SPACA1: variants seen among roughly 807,000 people sequenced by gnomAD.
SPACA1 encodes sperm acrosome membrane-associated protein 1.
In SPACA1, 17 loss-of-function variants were observed where a neutral mutation model predicts 32.6. The observed-to-expected ratio is 0.52, with a 90% CI of 0.36 to 0.78. The LOEUF (loss-of-function observed/expected upper bound fraction) is 0.78, where lower values mean the gene tolerates loss of function less well. SPACA1 is among the 30% of genes least tolerant of loss of function. SPACA1 has a pLI of 0.01. For missense variants in SPACA1, 363 were observed against 373.4 expected (o/e 0.97, Z 0.23); for synonymous variants, 140 against 138.1 (o/e 1.01, Z -0.10).
At chr6:88,050,593 G>C (rs1445803919) in intron 1 of SPACA1, among the ~76,000 whole-genome samples, 1 of 152,184 alleles carries the variant, frequency 6.6e-6, no homozygotes, top group Non-Finnish European at 1.5e-5. Flanking sequence ...AGACTACAAG[G>C]AGGATACCTC....
intron 5 of SPACA1, among the ~76,000 whole-genome samples, chr6:88,062,574 A>G (rs1775913067): frequency 6.6e-6 from 1 of 152,152 alleles, no homozygotes; most frequent in Non-Finnish European, 1.5e-5. Flanking sequence ...ACTGTAATAC[A>G]TACGGTAGAT....
chr6:88,056,301 C>G (rs1775806342), intron 2 of SPACA1, among the ~76,000 whole-genome samples: 1 of 152,192 alleles, frequency 6.6e-6, no homozygotes, highest in Non-Finnish European at 1.5e-5. Context: ...TTGCAGTGAG[C>G]TGAGATCGCG....
intron 1 of SPACA1, among the ~76,000 whole-genome samples, chr6:88,051,804 G>A (rs1483583935): frequency 5.3e-5 from 8 of 152,166 alleles, no homozygotes; most frequent in Non-Finnish European, 1.0e-4. Flanking sequence ...AGATCCAGAT[G>A]TATCATCAAA....
intron 6 of SPACA1, among the ~76,000 whole-genome samples, chr6:88,065,728 A>C (rs919125868): frequency 6.6e-6 from 1 of 151,184 alleles, no homozygotes; most frequent in Non-Finnish European, 1.5e-5. Context: ...TATTTTTAAA[A>C]ATCAGCCTTC....
intron 2 of SPACA1, among the ~76,000 whole-genome samples, chr6:88,055,026 A>G (rs1417658818): frequency 6.6e-6 from 1 of 151,982 alleles, no homozygotes; most frequent in African/African-American, 2.4e-5. Flanking sequence ...CTATCTCTTA[A>G]AATTGTTTTA....
rs771231302 is a variant in SPACA1 at position 88,057,712 on chromosome 6, C to G, written c.366C>G (p.Gly122=). The change falls in exon 3 of 7, where the codon GGC becomes GGG. Residue 122 remains glycine (G), a splice_region_variant and synonymous_variant. Coordinates refer to ENST00000237201, the MANE Select transcript of SPACA1 (RefSeq NM_030960.3). ...AATGCCGTGGACCAACAGATTGTGG[C>G]TGTGAGTTGAATTATGTATTGGAGG... ...VEECRGPTDC[G]WGKPISESLE... is the part of the protein sequence containing the mutation. 2 of 1,613,068 alleles carry G rather than the reference C, an allele frequency of 1.2e-6. No homozygotes were observed. Among genetic ancestry groups the G allele is most frequent in the African/African-American group, 1.3e-5 (1 of 75,000 alleles).
At position 88,047,861 on chromosome 6, in the gene SPACA1, C is replaced by G. The variant is rs1200082262; in HGVS notation, c.-45C>G. ...TCTTCGACGTACCTGTCCTCAGGAG[C>G]CGCGGCGGCGACTGCGCCTCGGACG... is the stretch of plus-strand genomic sequence containing the variant. On this transcript the variant is annotated 5_prime_UTR_variant, in exon 1 of 7. Coordinates refer to ENST00000237201, the MANE Select transcript of SPACA1 (RefSeq NM_030960.3). 1.4e-6 allele frequency: 2 copies of G among 1,480,484 alleles called. No homozygotes were observed. The highest frequency in any genetic ancestry group is 2.8e-5 in the African/African-American group (2 of 71,232). The allele number at this position is 1,480,484 out of a possible 1,614,324, so 91.7% of individuals were successfully genotyped here. A position where few individuals can be genotyped will look rare whatever the true frequency, so the allele number is the denominator to read the frequency against.
At chr6:88,054,957 C>T (rs1214996582) in intron 2 of SPACA1, among the ~76,000 whole-genome samples, 2 of 152,088 alleles carry the variant, frequency 1.3e-5, no homozygotes, top group East Asian at 3.8e-4. Flanking sequence ...CTAAAATGCC[C>T]ATTAAACACT....
intron 1 of SPACA1, among the ~76,000 whole-genome samples, chr6:88,051,634 A>G (rs1396112889): frequency 6.6e-6 from 1 of 152,218 alleles, no homozygotes; most frequent in East Asian, 1.9e-4. Context: ...TATTGAATTC[A>G]CTATTGAACT....
intron 4 of SPACA1, 45 bp from the exon 5 acceptor site, chr6:88,059,408 A>G: frequency 3.3e-6 from 5 of 1,493,762 alleles, no homozygotes; most frequent in Non-Finnish European, 4.5e-6. Flanking sequence ...TGGTAAGTGT[A>G]CATGAAAAAT....
chr6:88,050,015 C>T (rs923911610), intron 1 of SPACA1, among the ~76,000 whole-genome samples: 12 of 152,228 alleles, frequency 7.9e-5, no homozygotes, highest in African/African-American at 2.6e-4. Flanking sequence ...ATATTTTCAT[C>T]TTTAGATTTA....
At chr6:88,058,384 C>T (rs1350357445) in intron 3 of SPACA1, among the ~76,000 whole-genome samples, 1 of 152,184 alleles carries the variant, frequency 6.6e-6, no homozygotes, top group East Asian at 1.9e-4. Flanking sequence ...CACCTGTAAT[C>T]TTAGCACTTT....
At chr6:88,060,033 T>C (rs757337803) in intron 5 of SPACA1, among the ~76,000 whole-genome samples, 2 of 152,172 alleles carry the variant, frequency 1.3e-5, no homozygotes, top group Non-Finnish European at 2.9e-5. Flanking sequence ...AATTAAGAAA[T>C]ACGATGTCAA....
intron 1 of SPACA1, among the ~76,000 whole-genome samples, chr6:88,051,401 G>A (rs806428): frequency 0.91 from 137,975 of 152,226 alleles, 62,766 homozygotes; most frequent in African/African-American, 0.97. Flanking sequence ...TAAAATATCA[G>A]CCTTTCAAAT....
At chr6:88,057,983 G>A (rs1326218118) in intron 3 of SPACA1, among the ~76,000 whole-genome samples, 1 of 152,184 alleles carries the variant, frequency 6.6e-6, no homozygotes, top group Non-Finnish European at 1.5e-5. Flanking sequence ...TATAGTTGAG[G>A]CTGTCCTGTG....
At chr6:88,065,313 A>G (rs774575672) in intron 6 of SPACA1, among the ~76,000 whole-genome samples, 8 of 148,326 alleles carry the variant, frequency 5.4e-5, no homozygotes, top group Non-Finnish European at 1.2e-4. Flanking sequence ...GAGGTAATAT[A>G]TATTATATTT....
intron 2 of SPACA1, among the ~76,000 whole-genome samples, chr6:88,055,571 C>G (rs1169734870): frequency 6.6e-6 from 1 of 152,198 alleles, no homozygotes; most frequent in Non-Finnish European, 1.5e-5. Flanking sequence ...AAAAAGTTTT[C>G]TTTTATATCC....
chr6:88,052,781 G>T (rs1775748075), intron 1 of SPACA1, among the ~76,000 whole-genome samples: 1 of 152,144 alleles, frequency 6.6e-6, no homozygotes, highest in Admixed American at 6.5e-5. Context: ...AGGTTGCAGT[G>T]AGCCGGGATC....
intron 1 of SPACA1, among the ~76,000 whole-genome samples, chr6:88,052,755 T>G (rs368098469): frequency 6.6e-6 from 1 of 152,292 alleles, no homozygotes; most frequent in African/African-American, 2.4e-5. Flanking sequence ...AAGAATCACT[T>G]GTGCCTGGGA....
Sources: gnomAD v4.1 joint callset for allele counts (sites outside exome capture counted in the v4.1 genomes callset) on GRCh38, gnomAD v4.1.1 for gene constraint, MANE v1.5 for transcripts, NCBI Gene and HGNC (gene_info 2026-07-23, HGNC 2026-07-21) for gene names.